The following CCL3L3 variants were observed in gnomAD, a reference collection of about 807,000 sequenced individuals.
CCL3L3 encodes C-C motif chemokine ligand 3 like 3, also known as C-C motif chemokine 3-like 1.
A neutral mutation model predicts 9.0 loss-of-function variants in CCL3L3; 6 were observed. The observed-to-expected ratio is 0.67, with a 90% CI of 0.37 to 1.32. The LOEUF is 1.32. CCL3L3 is among the 40% of genes most tolerant of loss of function. The pLI is 0.02. For synonymous variants in CCL3L3, 38 were observed against 45.7 expected (o/e 0.83, Z 0.68); for missense variants, 93 against 117.0 (o/e 0.79, Z 0.95).
chr17:36,196,164 T>G (rs555009860), intron 1 of CCL3L3: 12,988 of 629,418 alleles, frequency 0.021, 1,368 homozygotes, highest in South Asian at 0.075. Context: ...GCTCTCTTCA[T>G]GGAATTTTGT....
Position 36,195,867 on chromosome 17 carries a change from C to A in CCL3L3, c.122G>T (p.Arg41Leu). The change falls in exon 2 of 3, where the codon CGA (arginine) becomes CTA (leucine). Residue 41 changes from arginine to leucine, a missense_variant. Arg to Leu is a moderately radical substitution (Grantham distance 102, BLOSUM62 -2). Transcript: ENST00000619989. ...AGCTATGAAATTCTGTGGAATCTGT[C>A]GGGAGGTGTAGCTGAAGCAGCAGGC... is the stretch of plus-strand genomic sequence containing the variant. ...PTACCFSYTS[R>L]QIPQNFIADY... The A allele has an allele frequency of 6.3e-7, 1 of 1,582,964 alleles. No individual in the cohort carries two copies. Among genetic ancestry groups the A allele is most frequent in the Non-Finnish European group, 8.6e-7 (1 of 1,157,746 alleles).
intron 2 of CCL3L3, 192 bp downstream of exon 2, chr17:36,195,606 G>T: frequency 9.7e-7 from 1 of 1,035,522 alleles, no homozygotes; most frequent in Non-Finnish European, 1.5e-6. Context: ...CTGGCCTGGG[G>T]CAGCCCTTCC....
Position 36,195,873 on chromosome 17 carries a change from G to T in CCL3L3, c.116C>A (p.Thr39Asn). The T allele has an allele frequency of 6.3e-7, 1 of 1,583,128 alleles. No individual in the cohort carries two copies. Among genetic ancestry groups the T allele is most frequent in the Non-Finnish European group, 8.6e-7 (1 of 1,157,828 alleles). Reference protein sequence around the residue: ...DTPTACCFSYTSRQIPQNFIA... With the variant: ...DTPTACCFSYNSRQIPQNFIA... ...GAAATTCTGTGGAATCTGTCGGGAGGTGTAGCTGAAGCAGCAGGCGGTCGG... is the reference window on the plus strand; with the variant it reads ...GAAATTCTGTGGAATCTGTCGGGAGTTGTAGCTGAAGCAGCAGGCGGTCGG... Residue 39 changes from threonine to asparagine, a missense_variant, in exon 2 of 3, where the codon ACC becomes AAC. By Grantham distance (65) the Thr-to-Asn change is moderately conservative. Transcript: ENST00000619989.
At chr17:36,196,079 CTT>C in intron 1 of CCL3L3, 167 bp from the exon 2 acceptor site, 1 of 809,510 alleles carries the variant, frequency 1.2e-6, no homozygotes, top group Non-Finnish European at 2.1e-6. Context: ...CTATATTCCT[CTT>C]TCCCCTTGAC....
chr17:36,195,862 T>C lies in CCL3L3; in HGVS notation c.127A>G (p.Ile43Val). Residue 43 changes from isoleucine (I) to valine (V), a missense_variant, in exon 2 of 3, where the codon ATT becomes GTT. Transcript: ENST00000619989. ...ACCFSYTSRQIPQNFIADYFE... is the reference protein window; with the variant it reads ...ACCFSYTSRQVPQNFIADYFE... Reference sequence around the variant, plus strand: ...TAGTCAGCTATGAAATTCTGTGGAATCTGTCGGGAGGTGTAGCTGAAGCAG... The same window carrying C: ...TAGTCAGCTATGAAATTCTGTGGAACCTGTCGGGAGGTGTAGCTGAAGCAG... 1 of 1,583,074 alleles carries C rather than the reference T, an allele frequency of 6.3e-7. No homozygotes were observed. The highest frequency in any genetic ancestry group is 8.6e-7 in the Non-Finnish European group (1 of 1,157,788).
intron 2 of CCL3L3, 107 bp downstream of exon 2, chr17:36,195,691 T>C: frequency 1.4e-6 from 2 of 1,403,102 alleles, no homozygotes; most frequent in Middle Eastern, 2.4e-4. Flanking sequence ...GTATCCCCGA[T>C]AGGCTCCTGA....
At position 36,196,659 on chromosome 17, in the gene CCL3L3, A is replaced by C; in HGVS notation, c.15T>G (p.Thr5=). 6.3e-7 allele frequency: 1 copy of C among 1,581,000 alleles called. No homozygotes were observed. Among genetic ancestry groups the C allele is most frequent in the Non-Finnish European group, 8.6e-7 (1 of 1,156,386 alleles). Residue 5 remains threonine, a synonymous_variant, in exon 1 of 3, where the codon ACT becomes ACG. Transcript: ENST00000619989. ...TGCAGAGGAGGACGGCAAGGGCAGC[A>C]GTGGAGACCTGCATGATTGGGAGCA... MQVS[T]AALAVLLCTM...
At chr17:36,195,550 G>A (rs1404712994) in intron 2 of CCL3L3, 174 bp from the exon 3 acceptor site, 2 of 1,097,270 alleles carry the variant, frequency 1.8e-6, no homozygotes, top group Non-Finnish European at 2.8e-6. Context: ...CCAGGCAAGG[G>A]GGCCCTCAGA....
rs2068625303 is a variant in CCL3L3, at chr17:36,196,751, GTCCTTC to G, written c.-84_-79del. The G allele has an allele frequency of 6.8e-7, 1 of 1,470,758 alleles. No individual in the cohort carries two copies. Among genetic ancestry groups the G allele is most frequent in the African/African-American group, 1.3e-5 (1 of 74,420 alleles). The allele number at this position is 1,470,758 out of a possible 1,614,324, so 91.1% of individuals were successfully genotyped here. A position where few individuals can be genotyped will look rare whatever the true frequency, so the allele number is the denominator to read the frequency against. On this transcript the variant is annotated 5_prime_UTR_variant, in exon 1 of 3. Transcript: ENST00000619989. ...GGACTGACTACTCTTTGCTGCCTGC[GTCCTTC>G]TGATGTCTGAAGCCATCTCTCCTCT...
In CCL3L3 at chr17:36,195,388, G is replaced by A; in HGVS notation, c.192-12C>T. ...TCTTGGTTAGGAAGCTGTGGAGAAG[G>A]GAGGAAGAGTTAAGCACTGGGGAAT... On this transcript the variant is annotated splice_polypyrimidine_tract_variant and intron_variant, in intron 2 of 2. Transcript: ENST00000619989. 5.1e-6 allele frequency: 8 copies of A among 1,582,412 alleles called. 1 individual carries two copies. Among genetic ancestry groups the A allele is most frequent in the East Asian group, 2.2e-5 (1 of 44,602 alleles).
Position 36,195,259 on chromosome 17 carries a change from C to T in CCL3L3, c.*27G>A, listed in dbSNP as rs1294563427. 2.8e-5 allele frequency: 44 copies of T among 1,579,470 alleles called. 4 individuals carry two copies. The highest frequency in any genetic ancestry group is 3.7e-5 in the Non-Finnish European group (43 of 1,155,256). ...TCCTCCCCACTGGGCCCACTGAGGT[C>T]GCTGGGCCTCGAAGCTTCTGGACCC... On this transcript the variant is annotated 3_prime_UTR_variant, in exon 3 of 3. Transcript: ENST00000619989.
rs1183983355 is a variant in CCL3L3, at chr17:36,195,270, G to A, written c.*16C>T. 50 of 1,581,540 alleles carry A rather than the reference G, an allele frequency of 3.2e-5. 6 individuals carry two copies. In the South Asian group the frequency reaches 3.7e-4, roughly 12 times the overall value. ...GGGCCCACTGAGGTCGCTGGGCCTCGAAGCTTCTGGACCCCTCAGGCACTC... is the reference window on the plus strand; with the variant it reads ...GGGCCCACTGAGGTCGCTGGGCCTCAAAGCTTCTGGACCCCTCAGGCACTC... On this transcript the variant is annotated 3_prime_UTR_variant, in exon 3 of 3. Coordinates refer to ENST00000619989, the MANE Select transcript of CCL3L3 (RefSeq NM_001001437.4).
intron 2 of CCL3L3, 73 bp downstream of exon 2, chr17:36,195,725 C>T: frequency 6.5e-7 from 1 of 1,530,096 alleles, no homozygotes; most frequent in South Asian, 1.1e-5. Flanking sequence ...CCAGGATGGC[C>T]TTCTGGCCTG....
At chr17:36,196,336 C>G (rs1397477996) in intron 1 of CCL3L3, 2 of 679,542 alleles carry the variant, frequency 2.9e-6, no homozygotes, top group Admixed American at 2.1e-5. Context: ...CAAACTGATT[C>G]GTTTTGAACC....
Position 36,196,611 on chromosome 17 carries a change from G to T in CCL3L3, c.63C>A (p.Val21=). The T allele has an allele frequency of 1.9e-6, 3 of 1,581,302 alleles. No homozygotes were observed. Among genetic ancestry groups the T allele is most frequent in the South Asian group, 1.1e-5 (1 of 89,146 alleles). The change falls in exon 1 of 3, where the codon GTC becomes GTA. Residue 21 remains valine (V), a synonymous_variant. Coordinates refer to ENST00000619989, the MANE Select transcript of CCL3L3 (RefSeq NM_001001437.4). The stretch of plus-strand genomic sequence containing the variant: ...ACATGGACTCACGTGGTGCAGAGAG[G>T]ACCTGGTTGCAGAGAGCCATGGTGC... The part of the protein sequence containing the change: ...LLCTMALCNQ[V]LSAPLAADTP...
chr17:36,196,605 A>G lies in CCL3L3; in HGVS notation c.69T>C (p.Ser23=), dbSNP rs1408627441. ...CTMALCNQVL[S]APLAADTPTA... The stretch of plus-strand genomic sequence containing the variant: ...ACAACAACATGGACTCACGTGGTGC[A>G]GAGAGGACCTGGTTGCAGAGAGCCA... The change falls in exon 1 of 3, where the codon TCT becomes TCC. Residue 23 remains serine, a synonymous_variant. Transcript: ENST00000619989. The G allele has an allele frequency of 1.3e-6, 2 of 1,581,218 alleles. No individual in the cohort carries two copies. The highest frequency in any genetic ancestry group is 2.2e-5 in the East Asian group (1 of 44,624).
In CCL3L3 at chr17:36,196,676, T is replaced by C. The variant is rs778192163; in HGVS notation, c.-3A>G. 9 of 1,580,296 alleles carry C rather than the reference T, an allele frequency of 5.7e-6. 2 individuals carry two copies. The highest frequency in any genetic ancestry group is 3.4e-5 in the Admixed American group (2 of 59,040). ...AGGGCAGCAGTGGAGACCTGCATGA[T>C]TGGGAGCAGGTGATGGAATGTGGGC... is the stretch of plus-strand genomic sequence containing the variant. On this transcript the variant is annotated 5_prime_UTR_variant, in exon 1 of 3. Coordinates refer to ENST00000619989, the MANE Select transcript of CCL3L3 (RefSeq NM_001001437.4).
rs2068623942 is a variant in CCL3L3 at position 36,196,618 on chromosome 17, T to A, written c.56A>T (p.Asn19Ile). Residue 19 changes from asparagine (N) to isoleucine (I), a missense_variant, in exon 1 of 3, where the codon AAC becomes ATC. By Grantham distance (149) the Asn-to-Ile change is moderately radical (BLOSUM62 -3). Coordinates refer to ENST00000619989, the MANE Select transcript of CCL3L3 (RefSeq NM_001001437.4). The stretch of plus-strand genomic sequence containing the variant: ...CTCACGTGGTGCAGAGAGGACCTGG[T>A]TGCAGAGAGCCATGGTGCAGAGGAG... ...AVLLCTMALC[N>I]QVLSAPLAAD... 1.3e-6 allele frequency: 2 copies of A among 1,581,164 alleles called. No individual in the cohort carries two copies. The highest frequency in any genetic ancestry group is 2.7e-5 in the African/African-American group (2 of 74,842).
In CCL3L3 at chr17:36,196,267, G is replaced by C. The variant is rs1371678586; in HGVS notation, c.76+331C>G. 11 of 644,932 alleles carry C rather than the reference G, an allele frequency of 1.7e-5. 2 individuals carry two copies. The highest frequency in any genetic ancestry group is 2.9e-5 in the Non-Finnish European group (10 of 344,964). The allele number at this position is 644,932 out of a possible 1,614,324, so 40.0% of individuals were successfully genotyped here. ...AGGGCTCCTGGGAGACCTAGGGTGA[G>C]CTGGAGAGTGAAGAACAGACCCCAC... is the stretch of plus-strand genomic sequence containing the variant. On this transcript the variant is annotated intron_variant, in intron 1 of 2. Coordinates refer to ENST00000619989, the MANE Select transcript of CCL3L3 (RefSeq NM_001001437.4).
Sources: gnomAD v4.1 joint callset for allele counts on GRCh38, gnomAD v4.1.1 for gene constraint, MANE v1.5 for transcripts, NCBI Gene and HGNC (gene_info 2026-07-23, HGNC 2026-07-21) for gene names.